Variants in ZNF510 observed in about 807,000 individuals in gnomAD.
ZNF510 encodes zinc finger protein 510.
ZNF510 carries 15 observed loss-of-function variants against 18.1 expected under a neutral mutation model. The ratio of observed to expected loss-of-function variants is 0.83; its 90% CI spans 0.55 to 1.28. The LOEUF (loss-of-function observed/expected upper bound fraction) is 1.28, where lower values mean the gene tolerates loss of function less well. ZNF510 is among the 50% of genes most tolerant of loss of function. The pLI is 0.00. For missense variants in ZNF510, 724 were observed against 791.8 expected, an observed-to-expected ratio of 0.91 and a Z score of 1.03; for synonymous variants, 261 against 266.4, an observed-to-expected ratio of 0.98 and a Z score of 0.20.
chr9:96,759,725 T>C lies in ZNF510; in HGVS notation c.1105A>G (p.Arg369Gly), dbSNP rs1479541989. The change falls in exon 6 of 6, where the codon AGA becomes GGA. Residue 369 changes from arginine (R) to glycine (G), a missense_variant. By Grantham distance (125) the Arg-to-Gly change is moderately radical (BLOSUM62 -2). Transcript: ENST00000223428. ...IEENPLVSND[R>G]TQTWVKSSEY... ...GAGGATTTAACCCAAGTCTGTGTTC[T>C]GTCATTACTTACCAATGGGTTCTCT... is the stretch of plus-strand genomic sequence containing the variant. The C allele has an allele frequency of 1.2e-6, 2 of 1,613,936 alleles. No homozygotes were observed. The highest frequency in any genetic ancestry group is 2.7e-5 in the African/African-American group (2 of 74,938).
At chr9:96,777,822 C>G (rs141537786) in intron 1 of ZNF510, 1 of 152,406 alleles carries the variant, frequency 6.6e-6, no homozygotes, top group East Asian at 1.9e-4. Flanking sequence ...CGGCCCGCAC[C>G]GAGCATCTTC....
chr9:96,759,428 T>C lies in ZNF510; in HGVS notation c.1402A>G (p.Thr468Ala), dbSNP rs768660889. ...KPYKCNECGK[T>A]FVQKSTLRGH... ...CTGAGGGTTGACTTCTGGACAAATG[T>C]TTTTCCACATTCATTACATTTATAG... The change falls in exon 6 of 6, where the codon ACA becomes GCA. Residue 468 changes from threonine to alanine, a missense_variant. By Grantham distance (58) the Thr-to-Ala change is moderately conservative (BLOSUM62 0). Coordinates refer to ENST00000223428, the MANE Select transcript of ZNF510 (RefSeq NM_014930.3). 152 of 1,613,994 alleles carry C rather than the reference T, an allele frequency of 9.4e-5. No individual in the cohort carries two copies. Among genetic ancestry groups the C allele is most frequent in the South Asian group, 2.6e-4 (24 of 91,086 alleles).
chr9:96,771,427 A>G lies in ZNF510; in HGVS notation c.129+3361T>C, dbSNP rs1456857379. 2.7e-5 allele frequency among the ~76,000 whole-genome samples: 4 copies of G among 147,212 alleles called. No homozygotes were observed. The South Asian group carries it at 6.4e-4, about 23-fold the overall frequency. ...TAGCCATCTGACAAAATACTCATGCATGATTAAAAAAAAAAAAACTCAGGA... is the reference window on the plus strand; with the variant it reads ...TAGCCATCTGACAAAATACTCATGCGTGATTAAAAAAAAAAAAACTCAGGA... On this transcript the variant is annotated intron_variant, in intron 3 of 5. Transcript: ENST00000223428.
intron 1 of ZNF510, 28 bp from the exon 2 acceptor site, chr9:96,776,273 A>AGCTTCTCTG: frequency 9.7e-7 from 1 of 1,026,778 alleles, no homozygotes; most frequent in Non-Finnish European, 1.3e-6. Context: ...GCTTTGCTCC[A>AGCTTCTCTG]GAGAAGCTGG....
Position 96,759,214 on chromosome 9 carries a change from G to A in ZNF510, c.1616C>T (p.Thr539Ile), listed in dbSNP as rs80111285. ...ATTACACTGGTAAGTTTTCTCCCCA[G>A]TGTGAGTTCTCTGATGTATTCTGAG... ...SNLRIHQRTH[T>I]GEKTYQCNEC... Residue 539 changes from threonine to isoleucine, a missense_variant, in exon 6 of 6, where the codon ACT becomes ATT. By Grantham distance (89) the Thr-to-Ile change is moderately conservative. Coordinates refer to ENST00000223428, the MANE Select transcript of ZNF510 (RefSeq NM_014930.3). 1.2e-6 allele frequency: 2 copies of A among 1,613,076 alleles called. No homozygotes were observed. Among genetic ancestry groups the A allele is most frequent in the African/African-American group, 2.7e-5 (2 of 74,594 alleles).
In ZNF510 at chr9:96,759,691, T is replaced by A. The variant is rs1400524617; in HGVS notation, c.1139A>T (p.His380Leu). Residue 380 changes from histidine to leucine, a missense_variant, in exon 6 of 6, where the codon CAT becomes CTT. His to Leu is a moderately conservative substitution (Grantham distance 99). Coordinates refer to ENST00000223428, the MANE Select transcript of ZNF510 (RefSeq NM_014930.3). Reference sequence around the variant, plus strand: ...CGTCTGGTAGGATTTCTTATTTTCATGATATTCAGAGGATTTAACCCAAGT... The same window carrying A: ...CGTCTGGTAGGATTTCTTATTTTCAAGATATTCAGAGGATTTAACCCAAGT... ...TQTWVKSSEY[H>L]ENKKSYQTSV... The A allele has an allele frequency of 6.2e-7, 1 of 1,613,694 alleles. No individual in the cohort carries two copies. Among genetic ancestry groups the A allele is most frequent in the East Asian group, 2.2e-5 (1 of 44,888 alleles).
chr9:96,763,436 T>C (rs541871170), intron 4 of ZNF510, 70 bp downstream of exon 4: 3 of 1,508,192 alleles, frequency 2.0e-6, no homozygotes, highest in Non-Finnish European at 2.7e-6. Context: ...ATTGTTCACA[T>C]GTATTGGCAC....
At chr9:96,766,183 T>G (rs1426711373) in intron 3 of ZNF510, among the ~76,000 whole-genome samples, 1 of 152,188 alleles carries the variant, frequency 6.6e-6, no homozygotes, top group Admixed American at 6.5e-5. Context: ...TAAACAAAAG[T>G]TGATAGAAAT....
At position 96,756,514 on chromosome 9, in the gene ZNF510, TG is replaced by T. The variant is rs1849196923; in HGVS notation, c.*2263del. The T allele has an allele frequency of 6.6e-6, 1 of 152,228 alleles. No homozygotes were observed. The highest frequency in any genetic ancestry group is 6.5e-5 in the Admixed American group (1 of 15,282). The allele number at this position is 152,228 out of a possible 1,614,324, so 9.4% of individuals were successfully genotyped here. On this transcript the variant is annotated 3_prime_UTR_variant, in exon 6 of 6. Transcript: ENST00000223428. ...TATTGCCTATACAGCTGACATACTG[TG>T]GGGCCAGGACAGGTGCTTTCCTGAA...
Position 96,759,409 on chromosome 9 carries a change from G to T in ZNF510, c.1421C>A (p.Thr474Asn). 6.2e-7 allele frequency: 1 copy of T among 1,613,940 alleles called. No individual in the cohort carries two copies. The highest frequency in any genetic ancestry group is 8.5e-7 in the Non-Finnish European group (1 of 1,179,952). The change falls in exon 6 of 6, where the codon ACC (threonine) becomes AAC (asparagine). Residue 474 changes from threonine to asparagine, a missense_variant. Thr to Asn is a moderately conservative substitution (Grantham distance 65). Coordinates refer to ENST00000223428, the MANE Select transcript of ZNF510 (RefSeq NM_014930.3). ...GTGAATTCTTTGATGTCCCCTGAGGGTTGACTTCTGGACAAATGTTTTTCC... is the reference window on the plus strand; with the variant it reads ...GTGAATTCTTTGATGTCCCCTGAGGTTTGACTTCTGGACAAATGTTTTTCC... ...ECGKTFVQKS[T>N]LRGHQRIHTG... is the part of the protein sequence containing the mutation.
intron 5 of ZNF510, among the ~76,000 whole-genome samples, chr9:96,762,508 C>CAAAAA (rs1235290923): frequency 1.3e-5 from 1 of 79,812 alleles, no homozygotes; most frequent in African/African-American, 4.4e-5. Context: ...GACTCCGTCT[C>CAAAAA]AAAAAAAAAA....
At chr9:96,764,169 A>G (rs1849416925) in intron 3 of ZNF510, among the ~76,000 whole-genome samples, 1 of 146,402 alleles carries the variant, frequency 6.8e-6, no homozygotes, top group South Asian at 2.1e-4. Flanking sequence ...ATACATTACT[A>G]AAACTTTTTT....
At position 96,756,684 on chromosome 9, in the gene ZNF510, C is replaced by T. The variant is rs1849201243; in HGVS notation, c.*2094G>A. On this transcript the variant is annotated 3_prime_UTR_variant, in exon 6 of 6. Transcript: ENST00000223428. ...AGAGATATCCAATGTGTAAAAGAGC[C>T]CAAGAGTAAACTAACAGCTGCTTTT... The T allele has an allele frequency of 6.6e-6, 1 of 152,102 alleles. No homozygotes were observed. Among genetic ancestry groups the T allele is most frequent in the South Asian group, 2.1e-4 (1 of 4,824 alleles). 9.4% of individuals were successfully genotyped at this position (152,102 alleles called of 1,614,324 possible).
At chr9:96,763,297 G>A (rs1849398010) in intron 4 of ZNF510, 84 bp from the exon 5 acceptor site, 1 of 1,453,940 alleles carries the variant, frequency 6.9e-7, no homozygotes, top group African/African-American at 1.4e-5. Context: ...AGCTTTGGAA[G>A]CAGTATCCTG....
chr9:96,769,377 C>T (rs1047954923), intron 3 of ZNF510, among the ~76,000 whole-genome samples: 2 of 150,068 alleles, frequency 1.3e-5, no homozygotes, highest in African/African-American at 2.5e-5. Context: ...AAGGACGTTG[C>T]AGTGAGCCAA....
chr9:96,777,801 C>A (rs138952315), intron 1 of ZNF510: 1 of 152,378 alleles, frequency 6.6e-6, no homozygotes, highest in Non-Finnish European at 1.5e-5. Context: ...TGCATTCTGG[C>A]GCCCATACCT....
chr9:96,774,084 C>T (rs1441601422), intron 3 of ZNF510, among the ~76,000 whole-genome samples: 1 of 152,236 alleles, frequency 6.6e-6, no homozygotes, highest in African/African-American at 2.4e-5. Flanking sequence ...GAAGTCCAAA[C>T]TGCAATAGGC....
intron 3 of ZNF510, among the ~76,000 whole-genome samples, chr9:96,769,762 C>G (rs550662053): frequency 1.3e-5 from 2 of 152,240 alleles, no homozygotes; most frequent in East Asian, 3.9e-4. Flanking sequence ...GGGCAAAGGA[C>G]TTGGATAGAC....
intron 3 of ZNF510, among the ~76,000 whole-genome samples, chr9:96,773,068 T>C (rs1221886210): frequency 6.6e-6 from 1 of 152,158 alleles, no homozygotes. Context: ...GAGCAAAACA[T>C]TCCCTTGAAA....
Sources: gnomAD v4.1 joint callset for allele counts (sites outside exome capture counted in the v4.1 genomes callset) on GRCh38, gnomAD v4.1.1 for gene constraint, MANE v1.5 for transcripts, NCBI Gene and HGNC (gene_info 2026-07-23, HGNC 2026-07-21) for gene names.